The following ARHGAP24 variants were observed in gnomAD, a reference collection of about 807,000 sequenced individuals.
ARHGAP24 encodes the protein rho GTPase-activating protein 24.
ARHGAP24 carries 50 observed loss-of-function variants against 76.4 expected under a neutral mutation model. That is an observed-to-expected ratio of 0.65 (90% CI 0.52 to 0.83). The LOEUF is 0.83. Among genes scored for constraint, ARHGAP24 ranks in the 40% least tolerant of loss-of-function variants. The pLI is 0.00. For missense variants in ARHGAP24, 930 were observed against 914.2 expected (o/e 1.02, Z -0.22); for synonymous variants, 345 against 323.3 (o/e 1.07, Z -0.72).
At chr4:85,974,818 C>T in intron 6 of ARHGAP24, 70 bp from the exon 7 acceptor site, 2 of 1,424,150 alleles carry the variant, frequency 1.4e-6, no homozygotes, top group African/African-American at 2.8e-5. Context: ...ATTATATGGC[C>T]ATTTCGACTT....
At chr4:85,869,915 C>T (rs1426553916) in intron 3 of ARHGAP24, among the ~76,000 whole-genome samples, 2 of 152,146 alleles carry the variant, frequency 1.3e-5, no homozygotes, top group Non-Finnish European at 2.9e-5. Flanking sequence ...GCTATGCATC[C>T]ACACTGCCTC....
At chr4:85,537,300 A>T (rs546948815) in intron 1 of ARHGAP24, among the ~76,000 whole-genome samples, 1 of 152,212 alleles carries the variant, frequency 6.6e-6, no homozygotes, top group African/African-American at 2.4e-5. Context: ...AGAGAAAAAC[A>T]CATTGACTAT....
Position 85,942,058 on chromosome 4 carries a change from T to G in ARHGAP24, c.392-8T>G. Reference sequence around the variant, plus strand: ...TTCCCAAGTTTACTGTGATCCTTTTTTTTTAAGGCATTTTTGGACAGAAAC... The same window carrying G: ...TTCCCAAGTTTACTGTGATCCTTTTGTTTTAAGGCATTTTTGGACAGAAAC... On this transcript the variant is annotated splice_region_variant and splice_polypyrimidine_tract_variant and intron_variant, in intron 4 of 9. Transcript: ENST00000395184. The G allele has an allele frequency of 6.2e-7, 1 of 1,613,362 alleles. No homozygotes were observed. The highest frequency in any genetic ancestry group is 8.5e-7 in the Non-Finnish European group (1 of 1,179,818).
intron 3 of ARHGAP24, among the ~76,000 whole-genome samples, chr4:85,821,451 G>A (rs754817763): frequency 5.3e-5 from 8 of 152,176 alleles, no homozygotes; most frequent in Non-Finnish European, 1.0e-4. Flanking sequence ...ATAGCTCACT[G>A]CAGCCTCAAA....
chr4:85,907,457 T>C (rs1170073882), intron 3 of ARHGAP24, among the ~76,000 whole-genome samples: 1 of 152,222 alleles, frequency 6.6e-6, no homozygotes, highest in Admixed American at 6.5e-5. Context: ...TTTTTGAAAT[T>C]GCTTTCTTGA....
chr4:85,934,600 C>T (rs796756164), intron 4 of ARHGAP24, among the ~76,000 whole-genome samples: 12 of 152,214 alleles, frequency 7.9e-5, no homozygotes, highest in Admixed American at 2.6e-4. Flanking sequence ...CTGCAACCTC[C>T]GCCTCCCGGG....
At chr4:85,876,953 A>AC (rs1553937609) in intron 3 of ARHGAP24, among the ~76,000 whole-genome samples, 3 of 151,630 alleles carry the variant, frequency 2.0e-5, no homozygotes, top group South Asian at 2.1e-4. Flanking sequence ...TATAAAAAAA[A>AC]CAGACTGAAG....
intron 4 of ARHGAP24, among the ~76,000 whole-genome samples, chr4:85,927,386 A>T (rs1219335166): frequency 6.6e-6 from 1 of 152,186 alleles, no homozygotes. Flanking sequence ...GTTTATTTTT[A>T]AAATGAAAAT....
At chr4:85,983,355 T>C (rs1457074545) in intron 8 of ARHGAP24, among the ~76,000 whole-genome samples, 1 of 152,200 alleles carries the variant, frequency 6.6e-6, no homozygotes, top group Non-Finnish European at 1.5e-5. Flanking sequence ...CACCACACTG[T>C]CTTCCACAAT....
chr4:85,644,179 A>G (rs1355068701), intron 2 of ARHGAP24, among the ~76,000 whole-genome samples: 1 of 152,186 alleles, frequency 6.6e-6, no homozygotes, highest in Non-Finnish European at 1.5e-5. Flanking sequence ...AACTAAGAGT[A>G]CTTACCCGAC....
At chr4:85,971,203 T>A (rs1369539915) in intron 5 of ARHGAP24, among the ~76,000 whole-genome samples, 2 of 152,192 alleles carry the variant, frequency 1.3e-5, no homozygotes, top group Non-Finnish European at 2.9e-5. Flanking sequence ...CACGCTAAGC[T>A]TCGAGTATCT....
chr4:85,688,331 T>C (rs748561590), intron 2 of ARHGAP24, among the ~76,000 whole-genome samples: 1 of 152,224 alleles, frequency 6.6e-6, no homozygotes, highest in Non-Finnish European at 1.5e-5. Context: ...TTAGTGATAA[T>C]GAATATTTTT....
intron 3 of ARHGAP24, among the ~76,000 whole-genome samples, chr4:85,780,661 T>G (rs1307712809): frequency 6.6e-6 from 1 of 152,180 alleles, no homozygotes. Flanking sequence ...ATGAACAAGT[T>G]TATAAAAAAT....
At chr4:85,548,494 T>C (rs982409698) in intron 1 of ARHGAP24, among the ~76,000 whole-genome samples, 6 of 152,212 alleles carry the variant, frequency 3.9e-5, no homozygotes, top group Admixed American at 6.5e-5. Context: ...CCTAATTTTC[T>C]CATTTGTAAC....
intron 3 of ARHGAP24, among the ~76,000 whole-genome samples, chr4:85,730,770 AAAAC>A (rs1272971735): frequency 8.5e-6 from 1 of 117,756 alleles, no homozygotes; most frequent in South Asian, 3.4e-4. Context: ...ATTTGTAAGT[AAAAC>A]AAACAAACAA....
rs1726327062 is a variant in ARHGAP24, at chr4:85,555,661, C to T, written c.-20-14861C>T. ...CCTGGGTGAGCTCAGGCTTTATGTT[C>T]CTTTCTAGCTGGGAGGCAGCAGGAG... On this transcript the variant is annotated intron_variant, in intron 1 of 9. Transcript: ENST00000395184. Among the ~76,000 whole-genome samples the T allele has an allele frequency of 2.0e-5, 3 of 152,328 alleles. No individual in the cohort carries two copies. The South Asian group carries it at 6.2e-4, about 32-fold the overall frequency.
At chr4:85,765,946 A>T (rs1467935585) in intron 3 of ARHGAP24, among the ~76,000 whole-genome samples, 1 of 152,100 alleles carries the variant, frequency 6.6e-6, no homozygotes, top group Non-Finnish European at 1.5e-5. Context: ...TTTTTTGTAA[A>T]TTTTTTTGCC....
chr4:85,743,958 T>C (rs1175010483), intron 3 of ARHGAP24, among the ~76,000 whole-genome samples: 1 of 152,216 alleles, frequency 6.6e-6, no homozygotes, highest in Non-Finnish European at 1.5e-5. Flanking sequence ...CTTTTCAAGT[T>C]CTCAAATCCC....
intron 3 of ARHGAP24, among the ~76,000 whole-genome samples, chr4:85,731,968 A>C (rs1261866965): frequency 6.6e-6 from 1 of 152,190 alleles, no homozygotes; most frequent in Non-Finnish European, 1.5e-5. Flanking sequence ...TTACTTTGAA[A>C]ACAGAAGCTA....
Sources: allele counts gnomAD v4.1 joint callset (sites outside exome capture counted in the v4.1 genomes callset), GRCh38; gene constraint gnomAD v4.1.1; transcripts MANE v1.5; gene names NCBI Gene and HGNC (gene_info 2026-07-23, HGNC 2026-07-21).